Variants in GPR158 observed in about 807,000 individuals in gnomAD.
GPR158 encodes the protein G protein-coupled receptor 158, also known as metabotropic glycine receptor.
In GPR158, 30 loss-of-function variants were observed where a neutral mutation model predicts 78.2. The observed-to-expected ratio is 0.38, with a 90% CI of 0.29 to 0.52. The LOEUF is 0.52. GPR158 is among the 20% of genes least tolerant of loss of function. The pLI is 0.83. For missense variants in GPR158, 1,463 were observed against 1,523.5 expected, an observed-to-expected ratio of 0.96 and a Z score of 0.66; for synonymous variants, 581 against 591.1, an observed-to-expected ratio of 0.98 and a Z score of 0.25.
At chr10:25,329,227 G>A (rs1855082892) in intron 2 of GPR158, among the ~76,000 whole-genome samples, 1 of 152,022 alleles carries the variant, frequency 6.6e-6, no homozygotes, top group Non-Finnish European at 1.5e-5. Flanking sequence ...ACGAGGTCAG[G>A]AGATTGAGAC....
chr10:25,544,061 A>C (rs1399981306), intron 5 of GPR158, among the ~76,000 whole-genome samples: 1 of 152,150 alleles, frequency 6.6e-6, no homozygotes, highest in African/African-American at 2.4e-5. Context: ...CTGATCCTGG[A>C]TGTCTTTTCC....
chr10:25,200,606 G>A (rs1349877798), intron 1 of GPR158, among the ~76,000 whole-genome samples: 1 of 152,006 alleles, frequency 6.6e-6, no homozygotes, highest in Admixed American at 6.6e-5. Flanking sequence ...TATTTCCTGG[G>A]TCATCTTCCA....
intron 5 of GPR158, among the ~76,000 whole-genome samples, chr10:25,538,646 A>G (rs1836533427): frequency 6.6e-6 from 1 of 152,178 alleles, no homozygotes; most frequent in African/African-American, 2.4e-5. Flanking sequence ...AGCAGCTGGG[A>G]CTGCAGGCAT....
intron 5 of GPR158, among the ~76,000 whole-genome samples, chr10:25,494,673 A>AT (rs936058161): frequency 9.3e-5 from 14 of 150,888 alleles, no homozygotes; most frequent in South Asian, 2.1e-4. Flanking sequence ...CCTGGACTTT[A>AT]TTTTTTTTTA....
At chr10:25,301,438 A>G (rs867508858) in intron 2 of GPR158, among the ~76,000 whole-genome samples, 17 of 152,198 alleles carry the variant, frequency 1.1e-4, no homozygotes, top group African/African-American at 3.6e-4. Context: ...TTACAGTTCA[A>G]TGTTCTCTTC....
At chr10:25,551,196 A>G (rs759210982) in intron 6 of GPR158, 111 bp downstream of exon 6, 6 of 698,612 alleles carry the variant, frequency 8.6e-6, no homozygotes, top group African/African-American at 1.8e-5. Flanking sequence ...AAGAATTTAC[A>G]TAGCAAGATA....
intron 4 of GPR158, among the ~76,000 whole-genome samples, chr10:25,429,705 T>A (rs1157946234): frequency 4.0e-5 from 6 of 149,614 alleles, no homozygotes; most frequent in Non-Finnish European, 8.9e-5. Flanking sequence ...GCTGGTTCAA[T>A]ATATGCAAAT....
chr10:25,273,855 A>G (rs1277059078), intron 2 of GPR158, among the ~76,000 whole-genome samples: 8 of 150,638 alleles, frequency 5.3e-5, no homozygotes, highest in Admixed American at 1.3e-4. Flanking sequence ...AATTTTTTGT[A>G]TTTTCTTAGA....
chr10:25,221,788 C>G (rs1049653537), intron 2 of GPR158, among the ~76,000 whole-genome samples: 3 of 152,158 alleles, frequency 2.0e-5, no homozygotes, highest in South Asian at 4.1e-4. Flanking sequence ...TGATGACATA[C>G]TAGTGATTTC....
At chr10:25,183,872 G>A (rs567158412) in intron 1 of GPR158, among the ~76,000 whole-genome samples, 1 of 152,204 alleles carries the variant, frequency 6.6e-6, no homozygotes, top group Non-Finnish European at 1.5e-5. Flanking sequence ...GGAATGGTAT[G>A]ATAGTAAAGA....
intron 2 of GPR158, among the ~76,000 whole-genome samples, chr10:25,258,005 G>T (rs147169038): frequency 3.9e-4 from 60 of 152,272 alleles, no homozygotes; most frequent in African/African-American, 1.4e-3. Flanking sequence ...GTAAAATGTG[G>T]CTTTACCAGT....
intron 2 of GPR158, among the ~76,000 whole-genome samples, chr10:25,360,235 T>C (rs1855614743): frequency 6.6e-6 from 1 of 152,136 alleles, no homozygotes; most frequent in Non-Finnish European, 1.5e-5. Flanking sequence ...TTTCTTTTGC[T>C]GTGCAGTTCT....
At chr10:25,196,974 C>T (rs1337926647) in intron 1 of GPR158, among the ~76,000 whole-genome samples, 1 of 152,224 alleles carries the variant, frequency 6.6e-6, no homozygotes, top group African/African-American at 2.4e-5. Flanking sequence ...TTCTGCTAAG[C>T]ATAGCCTTAG....
chr10:25,572,133 G>A (rs977076705), intron 6 of GPR158, among the ~76,000 whole-genome samples: 5 of 152,114 alleles, frequency 3.3e-5, no homozygotes, highest in Admixed American at 6.5e-5. Context: ...CCTTGTTTGA[G>A]CAATGTTTGC....
chr10:25,235,094 T>A (rs1853502286), intron 2 of GPR158, among the ~76,000 whole-genome samples: 1 of 152,200 alleles, frequency 6.6e-6, no homozygotes, highest in Non-Finnish European at 1.5e-5. Context: ...CAAGAAGGTA[T>A]GTGTTGAAGC....
chr10:25,304,384 T>G (rs1281750315), intron 2 of GPR158, among the ~76,000 whole-genome samples: 1 of 152,112 alleles, frequency 6.6e-6, no homozygotes, highest in Admixed American at 6.6e-5. Flanking sequence ...GTAAGATATG[T>G]TACCCCTTTT....
At chr10:25,551,449 A>G (rs986046982) in intron 6 of GPR158, among the ~76,000 whole-genome samples, 1 of 152,206 alleles carries the variant, frequency 6.6e-6, no homozygotes, top group African/African-American at 2.4e-5. Flanking sequence ...CCCATACAGA[A>G]ACACACTTAT....
chr10:25,404,926 A>T (rs556450708), intron 3 of GPR158, among the ~76,000 whole-genome samples: 34 of 152,216 alleles, frequency 2.2e-4, no homozygotes, highest in Middle Eastern at 6.8e-3. Context: ...AAGTACACTG[A>T]AGTCCACCTT....
intron 2 of GPR158, among the ~76,000 whole-genome samples, chr10:25,305,436 A>T (rs775418509): frequency 7.9e-5 from 12 of 152,210 alleles, no homozygotes; most frequent in Non-Finnish European, 1.3e-4. Flanking sequence ...GACCATACAT[A>T]GGCCAACAGA....
Sources: gnomAD v4.1 joint callset for allele counts (sites outside exome capture counted in the v4.1 genomes callset) on GRCh38, gnomAD v4.1.1 for gene constraint, MANE v1.5 for transcripts, NCBI Gene and HGNC (gene_info 2026-07-23, HGNC 2026-07-21) for gene names.